The following PVALB variants were observed in gnomAD, a reference collection of about 807,000 sequenced individuals.
PVALB encodes parvalbumin alpha.
Under a neutral mutation model 10.9 loss-of-function variants are expected in PVALB, and 11 were observed. The ratio of observed to expected loss-of-function variants is 1.01; its 90% CI spans 0.63 to 1.67. The LOEUF (loss-of-function observed/expected upper bound fraction) is 1.67. PVALB is among the 40% of genes most tolerant of loss of function. PVALB has a pLI of 0.00. For missense variants in PVALB, 131 were observed against 136.2 expected (o/e 0.96, Z 0.19); for synonymous variants, 57 against 50.7 (o/e 1.12, Z -0.53).
chr22:36,809,876 T>C (rs1939019548), intron 3 of PVALB, among the ~76,000 whole-genome samples: 1 of 135,134 alleles, frequency 7.4e-6, no homozygotes, highest in South Asian at 2.4e-4. Flanking sequence ...TTTTTTTTGG[T>C]TTTTCGTTTT....
intron 1 of PVALB, chr22:36,815,484 C>T (rs1939124638): frequency 3.7e-6 from 2 of 539,540 alleles, no homozygotes; most frequent in African/African-American, 1.9e-5. Context: ...CCCGCCCCCA[C>T]GCCCCACCTC....
chr22:36,811,838 C>T (rs967218687), intron 3 of PVALB, among the ~76,000 whole-genome samples: 2 of 152,056 alleles, frequency 1.3e-5, no homozygotes, highest in Admixed American at 6.5e-5. Context: ...GCCCCAGGAG[C>T]GGCCAAGCCA....
intron 3 of PVALB, among the ~76,000 whole-genome samples, chr22:36,805,743 T>A (rs766606574): frequency 3.3e-5 from 5 of 152,200 alleles, no homozygotes; most frequent in Non-Finnish European, 5.9e-5. Flanking sequence ...TGGCACACAG[T>A]AACTGGTTTA....
At chr22:36,812,247 G>A (rs902121321) in intron 3 of PVALB, among the ~76,000 whole-genome samples, 10 of 152,204 alleles carry the variant, frequency 6.6e-5, no homozygotes, top group African/African-American at 2.4e-4. Flanking sequence ...AGAAGGAGCA[G>A]AGCATGGGGG....
chr22:36,812,996 C>T (rs1939069987), intron 3 of PVALB, among the ~76,000 whole-genome samples: 1 of 152,240 alleles, frequency 6.6e-6, no homozygotes, highest in Non-Finnish European at 1.5e-5. Context: ...CCTGTGCTGA[C>T]ATTGAAGCCT....
At chr22:36,801,862 G>A (rs1260533225) in intron 3 of PVALB, among the ~76,000 whole-genome samples, 5 of 152,188 alleles carry the variant, frequency 3.3e-5, no homozygotes, top group African/African-American at 1.2e-4. Context: ...GGAGAGCACA[G>A]GCTGGGGATT....
Position 36,804,692 on chromosome 22 carries a change from T to G in PVALB, c.305-3774A>C, listed in dbSNP as rs544738934. 2.0e-5 allele frequency among the ~76,000 whole-genome samples: 3 copies of G among 152,230 alleles called. No individual in the cohort carries two copies. The South Asian group carries it at 6.2e-4, about 32-fold the overall frequency. On this transcript the variant is annotated intron_variant, in intron 3 of 3. Coordinates refer to ENST00000417718, the MANE Select transcript of PVALB (RefSeq NM_001315532.2). ...GGCTCATGCCTGTAATCACAGCACT[T>G]TGGGAGGCTGAGGTGGGCAGATCAC...
chr22:36,800,955 C>T lies in PVALB; in HGVS notation c.305-37G>A, dbSNP rs186872689. On this transcript the variant is annotated intron_variant, in intron 3 of 3. Coordinates refer to ENST00000417718, the MANE Select transcript of PVALB (RefSeq NM_001315532.2). ...AATGACAAGGAAAGTGAGTCAGAGG[C>T]GGGGATGCAAGAGAGACTGTCCACA... The T allele has an allele frequency of 7.0e-5, 112 of 1,592,282 alleles. No homozygotes were observed. The African/African-American group carries it at 7.1e-4, about 10-fold the overall frequency.
intron 1 of PVALB, among the ~76,000 whole-genome samples, chr22:36,815,649 G>A (rs1265732408): frequency 6.6e-6 from 1 of 152,194 alleles, no homozygotes; most frequent in Non-Finnish European, 1.5e-5. Context: ...GGGGTTAGGG[G>A]GAGGAGGGTT....
chr22:36,817,023 G>A lies in PVALB; in HGVS notation c.-18C>T. Reference sequence around the variant, plus strand: ...ATCGACATCCTGCAACTGTTTGAGCGGGCAGAGCAAGTGCGAAAAGATTAA... The same window carrying A: ...ATCGACATCCTGCAACTGTTTGAGCAGGCAGAGCAAGTGCGAAAAGATTAA... On this transcript the variant is annotated 5_prime_UTR_variant, in exon 1 of 4. Transcript: ENST00000417718. 6.2e-7 allele frequency: 1 copy of A among 1,605,984 alleles called. No individual in the cohort carries two copies. Among genetic ancestry groups the A allele is most frequent in the South Asian group, 1.1e-5 (1 of 89,922 alleles).
At chr22:36,806,662 C>T (rs736721) in intron 3 of PVALB, among the ~76,000 whole-genome samples, 29,485 of 151,988 alleles carry the variant, frequency 0.19, 3,252 homozygotes, top group African/African-American at 0.3. Flanking sequence ...CTTCCCATCC[C>T]GGAGAACTGG....
At chr22:36,816,318 G>A (rs769755417) in intron 1 of PVALB, 1 of 152,522 alleles carries the variant, frequency 6.6e-6, no homozygotes, top group Admixed American at 6.5e-5. Flanking sequence ...GCTGGGAGAG[G>A]TGAGACTGCC....
At chr22:36,809,410 G>T (rs1249074679) in intron 3 of PVALB, among the ~76,000 whole-genome samples, 2 of 150,570 alleles carry the variant, frequency 1.3e-5, no homozygotes, top group African/African-American at 2.4e-5. Context: ...TAGGCAATAA[G>T]TCAATAAATA....
intron 1 of PVALB, 55 bp downstream of exon 1, chr22:36,816,890 G>T: frequency 6.7e-7 from 1 of 1,487,562 alleles, no homozygotes; most frequent in Non-Finnish European, 9.2e-7. Context: ...CGGAGTGCAG[G>T]GGCGCGGGCG....
At chr22:36,813,007 G>A (rs1939070175) in intron 3 of PVALB, among the ~76,000 whole-genome samples, 1 of 152,236 alleles carries the variant, frequency 6.6e-6, no homozygotes, top group Admixed American at 6.5e-5. Context: ...ATTGAAGCCT[G>A]CAAAGCAAGG....
At chr22:36,808,788 T>C (rs554090848) in intron 3 of PVALB, among the ~76,000 whole-genome samples, 49 of 152,210 alleles carry the variant, frequency 3.2e-4, no homozygotes, top group Non-Finnish European at 5.4e-4. Context: ...CTGCTTTTTA[T>C]GCCTGGGCTT....
At chr22:36,813,609 C>A (rs1939080720) in intron 3 of PVALB, 37 bp downstream of exon 3, 6 of 1,533,426 alleles carry the variant, frequency 3.9e-6, no homozygotes, top group African/African-American at 2.7e-5. Context: ...ACCCCAAGAT[C>A]CACAATATGC....
At chr22:36,812,481 A>G (rs1939061534) in intron 3 of PVALB, among the ~76,000 whole-genome samples, 1 of 152,252 alleles carries the variant, frequency 6.6e-6, no homozygotes, top group African/African-American at 2.4e-5. Flanking sequence ...AAATACATAT[A>G]TAACATTTAC....
chr22:36,817,117 G>C (rs1188017685), upstream of PVALB: 9 of 1,006,760 alleles, frequency 8.9e-6, no homozygotes, highest in Non-Finnish European at 1.3e-5. Flanking sequence ...GCGCACGCCC[G>C]CCGGGCCTGG....
Sources: gnomAD v4.1 joint callset for allele counts (sites outside exome capture counted in the v4.1 genomes callset) on GRCh38, gnomAD v4.1.1 for gene constraint, MANE v1.5 for transcripts, NCBI Gene and HGNC (gene_info 2026-07-23, HGNC 2026-07-21) for gene names.